The following ARHGAP15 variants were observed in gnomAD, a reference collection of about 807,000 sequenced individuals.
ARHGAP15 encodes rho GTPase-activating protein 15.
ARHGAP15 carries 51 observed loss-of-function variants against 63.7 expected under a neutral mutation model. The observed-to-expected ratio is 0.80, with a 90% CI of 0.64 to 1.01. The LOEUF (loss-of-function observed/expected upper bound fraction) is 1.01. Ranked by LOEUF, ARHGAP15 falls within the 50% of genes least tolerant of loss-of-function variation. The pLI, the probability that ARHGAP15 is intolerant of heterozygous loss-of-function variation, is 0.00. For synonymous variants in ARHGAP15, 191 were observed against 193.8 expected (o/e 0.99, Z 0.12); for missense variants, 560 against 564.6 (o/e 0.99, Z 0.08).
intron 6 of ARHGAP15, among the ~76,000 whole-genome samples, chr2:143,421,321 G>A (rs1340752035): frequency 1.3e-5 from 2 of 152,130 alleles, no homozygotes; most frequent in Non-Finnish European, 2.9e-5. Flanking sequence ...TGACAAATAT[G>A]CTGGAAGTTT....
chr2:143,633,291 A>T (rs533885751), intron 12 of ARHGAP15, among the ~76,000 whole-genome samples: 2 of 152,284 alleles, frequency 1.3e-5, no homozygotes, highest in South Asian at 4.1e-4. Flanking sequence ...TTGAAGAAAA[A>T]TACTTGACTA....
intron 5 of ARHGAP15, among the ~76,000 whole-genome samples, chr2:143,240,762 A>G (rs1258695354): frequency 1.3e-5 from 2 of 152,214 alleles, no homozygotes; most frequent in Non-Finnish European, 2.9e-5. Context: ...GAGAAGAAAA[A>G]AAGGAAATTA....
intron 11 of ARHGAP15, among the ~76,000 whole-genome samples, chr2:143,620,520 T>C (rs1374237363): frequency 6.6e-6 from 1 of 152,222 alleles, no homozygotes; most frequent in Non-Finnish European, 1.5e-5. Flanking sequence ...CTTGACATAA[T>C]AGTCAATCAA....
chr2:143,198,415 T>G (rs1691973562), intron 2 of ARHGAP15, among the ~76,000 whole-genome samples: 1 of 151,938 alleles, frequency 6.6e-6, no homozygotes, highest in African/African-American at 2.4e-5. Flanking sequence ...TGTTTGTGAG[T>G]TTTTTCCATA....
intron 11 of ARHGAP15, among the ~76,000 whole-genome samples, chr2:143,592,956 G>T (rs1287278120): frequency 6.6e-6 from 1 of 152,174 alleles, no homozygotes; most frequent in Admixed American, 6.6e-5. Flanking sequence ...TGGCACCGTT[G>T]TTCAAGGTTC....
chr2:143,161,249 T>G (rs1042433869), intron 2 of ARHGAP15, among the ~76,000 whole-genome samples: 2 of 151,944 alleles, frequency 1.3e-5, no homozygotes, highest in Non-Finnish European at 2.9e-5. Context: ...TAGAAACGTG[T>G]TTCCAGAGGG....
chr2:143,725,889 A>C (rs1685250940), intron 13 of ARHGAP15, among the ~76,000 whole-genome samples: 1 of 152,214 alleles, frequency 6.6e-6, no homozygotes, highest in Non-Finnish European at 1.5e-5. Context: ...AACACAAACA[A>C]TGACAAGTAT....
intron 6 of ARHGAP15, among the ~76,000 whole-genome samples, chr2:143,431,297 A>G (rs941775916): frequency 1.3e-5 from 2 of 152,050 alleles, no homozygotes; most frequent in African/African-American, 4.8e-5. Context: ...GTAATCTCTT[A>G]ATTCTATCAT....
At chr2:143,505,293 G>C (rs555954354) in intron 9 of ARHGAP15, among the ~76,000 whole-genome samples, 1 of 152,290 alleles carries the variant, frequency 6.6e-6, no homozygotes, top group African/African-American at 2.4e-5. Flanking sequence ...GGTCCCAGTA[G>C]CTGGAAACAT....
chr2:143,219,929 A>G (rs1692921201), intron 4 of ARHGAP15, among the ~76,000 whole-genome samples: 1 of 152,208 alleles, frequency 6.6e-6, no homozygotes, highest in African/African-American at 2.4e-5. Context: ...GAAACTCATA[A>G]TATATTTGGG....
At chr2:143,146,028 G>A (rs1476884015) in intron 1 of ARHGAP15, among the ~76,000 whole-genome samples, 1 of 151,696 alleles carries the variant, frequency 6.6e-6, no homozygotes, top group African/African-American at 2.4e-5. Flanking sequence ...CATGGGAATA[G>A]TCTTTGTTGC....
At chr2:143,130,021 A>T (rs951179673) in intron 1 of ARHGAP15, among the ~76,000 whole-genome samples, 2 of 152,134 alleles carry the variant, frequency 1.3e-5, no homozygotes, top group Non-Finnish European at 2.9e-5. Flanking sequence ...ATGACACTTG[A>T]AATTTTTTTT....
intron 8 of ARHGAP15, among the ~76,000 whole-genome samples, chr2:143,457,175 C>T (rs1357227606): frequency 6.6e-6 from 1 of 152,008 alleles, no homozygotes; most frequent in Non-Finnish European, 1.5e-5. Flanking sequence ...AGATTCTGTT[C>T]AGAAATCTGC....
In ARHGAP15 at chr2:143,176,661, G is replaced by A. The variant is rs77561147; in HGVS notation, c.165+21006G>A. On this transcript the variant is annotated intron_variant, in intron 2 of 13. Transcript: ENST00000295095. ...GAACTAGTTTAGAAAAGAAAAAAGA[G>A]TATTTGCTTTTATAACACATATTCA... is the stretch of plus-strand genomic sequence containing the variant. 3.7e-4 allele frequency among the ~76,000 whole-genome samples: 56 copies of A among 152,274 alleles called. No homozygotes were observed. The East Asian group carries it at 9.1e-3, about 25-fold the overall frequency.
At chr2:143,397,751 C>A (rs908675003) in intron 6 of ARHGAP15, among the ~76,000 whole-genome samples, 1 of 152,124 alleles carries the variant, frequency 6.6e-6, no homozygotes, top group South Asian at 2.1e-4. Context: ...TCACCAACAT[C>A]ATTAATTTCC....
intron 3 of ARHGAP15, among the ~76,000 whole-genome samples, chr2:143,207,477 G>GAC (rs535134927): frequency 3.3e-4 from 46 of 139,538 alleles, no homozygotes; most frequent in African/African-American, 4.1e-4. Context: ...CTCTCCCATT[G>GAC]ACACACACAC....
chr2:143,738,505 GA>G (rs1457998111), intron 13 of ARHGAP15, among the ~76,000 whole-genome samples: 17 of 152,294 alleles, frequency 1.1e-4, no homozygotes, highest in Admixed American at 5.2e-4. Flanking sequence ...CAATTCCTTT[GA>G]CTTGAACAAC....
At chr2:143,653,745 T>C (rs1681290329) in intron 12 of ARHGAP15, among the ~76,000 whole-genome samples, 1 of 152,146 alleles carries the variant, frequency 6.6e-6, no homozygotes, top group Non-Finnish European at 1.5e-5. Flanking sequence ...CTTTTCTTAA[T>C]TGTGTTTGTA....
intron 2 of ARHGAP15, among the ~76,000 whole-genome samples, chr2:143,178,786 C>G (rs945033377): frequency 6.6e-6 from 1 of 152,098 alleles, no homozygotes; most frequent in South Asian, 2.1e-4. Context: ...GTTAATTTTC[C>G]TGCTACTGAG....
Sources: allele counts gnomAD v4.1 joint callset (sites outside exome capture counted in the v4.1 genomes callset), GRCh38; gene constraint gnomAD v4.1.1; transcripts MANE v1.5; gene names NCBI Gene and HGNC (gene_info 2026-07-23, HGNC 2026-07-21).